TECPR2: variants seen among roughly 807,000 people sequenced by gnomAD.
TECPR2 encodes the protein tectonin beta-propeller repeat containing 2.
In TECPR2, 65 loss-of-function variants were observed where a neutral mutation model predicts 138.1. The observed-to-expected ratio is 0.47, with a 90% CI of 0.39 to 0.58. The LOEUF (loss-of-function observed/expected upper bound fraction) is 0.58. Among genes scored for constraint, TECPR2 ranks in the 20% least tolerant of loss-of-function variants. The pLI is 0.00. For missense variants in TECPR2, 1,553 were observed against 1,824.5 expected (o/e 0.85, Z 2.71); for synonymous variants, 746 against 749.8 (o/e 0.99, Z 0.08).
At chr14:102,471,539 A>G (rs1890651498) in intron 17 of TECPR2, among the ~76,000 whole-genome samples, 1 of 151,224 alleles carries the variant, frequency 6.6e-6, no homozygotes, top group Non-Finnish European at 1.5e-5. Flanking sequence ...CATCATCTCT[A>G]CCAAAAAAAA....
rs761752061 is a variant in TECPR2 at position 102,414,776 on chromosome 14, A to T, written c.621A>T (p.Gly207=). 6.2e-7 allele frequency: 1 copy of T among 1,614,202 alleles called. No individual in the cohort carries two copies. Among genetic ancestry groups the T allele is most frequent in the South Asian group, 1.1e-5 (1 of 91,082 alleles). Residue 207 remains glycine, a synonymous_variant, in exon 5 of 20, where the codon GGA becomes GGT. Transcript: ENST00000359520. Reference sequence around the variant, plus strand: ...AAGAAAAGTCTGTAAGGCAAATTGGAACACAACCAAGGAAAAGGTAAGTTT... The same window carrying T: ...AAGAAAAGTCTGTAAGGCAAATTGGTACACAACCAAGGAAAAGGTAAGTTT... ...YTEEKSVRQI[G]TQPRKSTGKF...
In TECPR2 at chr14:102,425,281, C is replaced by A; in HGVS notation, c.941C>A (p.Thr314Lys). Residue 314 changes from threonine (T) to lysine (K), a missense_variant, in exon 6 of 20, where the codon ACA (threonine) becomes AAA (lysine). Thr to Lys is a moderately conservative substitution (Grantham distance 78, BLOSUM62 -1). Coordinates refer to ENST00000359520, the MANE Select transcript of TECPR2 (RefSeq NM_014844.5). ...WNEYSIYLLD[T>K]VNQATVAGLE... is the part of the protein sequence containing the mutation. ...GAATATAGTATCTATCTCCTAGACA[C>A]AGTCAACCAGGTAAGTGAAGGGACG... 1 of 1,584,908 alleles carries A rather than the reference C, an allele frequency of 6.3e-7. No homozygotes were observed. The highest frequency in any genetic ancestry group is 8.6e-7 in the Non-Finnish European group (1 of 1,163,276).
At chr14:102,400,894 C>T (rs917648931) in intron 2 of TECPR2, among the ~76,000 whole-genome samples, 2 of 151,826 alleles carry the variant, frequency 1.3e-5, no homozygotes, top group African/African-American at 4.8e-5. Context: ...ATTAGCCAGG[C>T]ATGGTGGCGG....
intron 17 of TECPR2, among the ~76,000 whole-genome samples, chr14:102,466,254 C>A (rs150091266): frequency 6.6e-6 from 1 of 152,276 alleles, no homozygotes; most frequent in East Asian, 1.9e-4. Context: ...GAGGCCACCA[C>A]TAGCGGTCAT....
intron 12 of TECPR2, among the ~76,000 whole-genome samples, chr14:102,444,285 C>T (rs1003450947): frequency 1.3e-4 from 19 of 151,662 alleles, no homozygotes; most frequent in African/African-American, 2.9e-4. Flanking sequence ...CCTTGACCTC[C>T]GGGCTCAGGT....
Position 102,452,623 on chromosome 14 carries a change from G to C in TECPR2, c.3636G>C (p.Gln1212His). 6.3e-7 allele frequency: 1 copy of C among 1,587,174 alleles called. No homozygotes were observed. The highest frequency in any genetic ancestry group is 8.6e-7 in the Non-Finnish European group (1 of 1,167,328). ...ACTGGACCAGGCTGGACCTCTCCCA[G>C]CTAGGTACGGCCACCTCGTGAGTAC... ...GMHWTRLDLS[Q>H]LGAVKLTSLA... Residue 1212 changes from glutamine to histidine, a missense_variant, in exon 16 of 20, where the codon CAG becomes CAC. Transcript: ENST00000359520.
Position 102,420,076 on chromosome 14 carries a change from C to T in TECPR2, c.639-4903C>T, listed in dbSNP as rs879597211. Among the ~76,000 whole-genome samples the T allele has an allele frequency of 6.6e-6, 1 of 152,174 alleles. No homozygotes were observed. Among genetic ancestry groups the T allele is most frequent in the Non-Finnish European group, 1.5e-5 (1 of 68,036 alleles). On this transcript the variant is annotated intron_variant, in intron 5 of 19. Transcript: ENST00000359520. This position sits in a 1 kb window ranked among gnomAD's most constrained non-coding sequence, Gnocchi z 4.1. ...AGGCTCCCATTTTGGGTGCTGTCAG[C>T]TTTCAGCGTATCAGCTCTGTGGCAC...
At position 102,498,723 on chromosome 14, in the gene TECPR2, T is replaced by G. The variant is rs542633409; in HGVS notation, c.*466T>G. 5 of 439,044 alleles carry G rather than the reference T, an allele frequency of 1.1e-5. No homozygotes were observed. In the East Asian group the frequency reaches 2.7e-4, roughly 24 times the overall value. 27.2% of individuals were successfully genotyped at this position (439,044 alleles called of 1,614,324 possible). A position where few individuals can be genotyped will look rare whatever the true frequency, so the allele number is the denominator to read the frequency against. On this transcript the variant is annotated 3_prime_UTR_variant, in exon 20 of 20. Transcript: ENST00000359520. ...CGGGATGTGCTCGGTGATGGCTTTG[T>G]CCCATCATAGGGGGGTGTCCCCCCA...
chr14:102,424,273 T>C (rs189106892), intron 5 of TECPR2, among the ~76,000 whole-genome samples: 1 of 152,282 alleles, frequency 6.6e-6, no homozygotes, highest in East Asian at 1.9e-4. Context: ...CATAAAAATA[T>C]GGTATTATAA....
At chr14:102,431,691 C>G (rs1447156076) in intron 7 of TECPR2, 105 bp from the exon 8 acceptor site, 2 of 1,145,596 alleles carry the variant, frequency 1.7e-6, no homozygotes, top group Non-Finnish European at 2.5e-6. Context: ...CTTTAGCTGG[C>G]TGGTGCCTCT....
At chr14:102,386,490 A>T (rs1411043990) in intron 2 of TECPR2, among the ~76,000 whole-genome samples, 3 of 149,478 alleles carry the variant, frequency 2.0e-5, no homozygotes, top group Non-Finnish European at 4.5e-5. Context: ...TAAAGTGAAA[A>T]TTTTTTTTTT....
chr14:102,483,752 T>C (rs1272889255), intron 17 of TECPR2, among the ~76,000 whole-genome samples: 1 of 150,950 alleles, frequency 6.6e-6, no homozygotes, highest in Admixed American at 6.6e-5. Context: ...ACCCCTCCTG[T>C]TTTCTGTCTG....
intron 17 of TECPR2, among the ~76,000 whole-genome samples, chr14:102,493,332 C>T (rs180682450): frequency 4.6e-5 from 7 of 151,990 alleles, no homozygotes; most frequent in Non-Finnish European, 7.4e-5. Flanking sequence ...CGCGGCCTTC[C>T]GAGTGGGGAA....
At chr14:102,454,458 T>A (rs1019544083) in intron 16 of TECPR2, among the ~76,000 whole-genome samples, 1 of 152,158 alleles carries the variant, frequency 6.6e-6, no homozygotes, top group Non-Finnish European at 1.5e-5. Flanking sequence ...CAACTTTTGT[T>A]CTTTATGCTT....
chr14:102,412,493 G>A (rs988140280), intron 4 of TECPR2, among the ~76,000 whole-genome samples: 18 of 152,026 alleles, frequency 1.2e-4, no homozygotes, highest in African/African-American at 4.4e-4. Flanking sequence ...CATTGTAATC[G>A]GGAAAGTCTA....
At chr14:102,425,564 T>TTTGTTGTTG (rs35980535) in intron 6 of TECPR2, among the ~76,000 whole-genome samples, 175 of 151,802 alleles carry the variant, frequency 1.2e-3, no homozygotes, top group African/African-American at 4.0e-3. Context: ...ACTTGTTCTT[T>TTTGTTGTTG]TTGTTGTTGT....
At chr14:102,460,918 A>G (rs1414663877) in intron 16 of TECPR2, among the ~76,000 whole-genome samples, 3 of 151,624 alleles carry the variant, frequency 2.0e-5, no homozygotes, top group Non-Finnish European at 4.4e-5. Context: ...GATGGTCTCG[A>G]TCTCCTGATC....
chr14:102,445,966 G>C lies in TECPR2; in HGVS notation c.3075+19G>C, dbSNP rs751111335. ...GTGGCAAGTAGGTGTTCAGCTCTGC[G>C]CCACGTGCCGAGGTCTCCCGACCTT... On this transcript the variant is annotated intron_variant, in intron 13 of 19. Transcript: ENST00000359520. 4 of 1,604,826 alleles carry C rather than the reference G, an allele frequency of 2.5e-6. No homozygotes were observed. The South Asian group carries it at 4.4e-5, about 18-fold the overall frequency.
At position 102,362,962 on chromosome 14, in the gene TECPR2, G is replaced by T. The variant is rs1040792409; in HGVS notation, c.-227G>T. The T allele has an allele frequency of 5.6e-6, 8 of 1,422,396 alleles. No homozygotes were observed. The highest frequency in any genetic ancestry group is 2.4e-5 in the South Asian group (2 of 82,248). 88.1% of individuals were successfully genotyped at this position (1,422,396 alleles called of 1,614,324 possible). Reference sequence around the variant, plus strand: ...TGCCACTTGTGGCTCTGCCGCTCTAGCCCCCGGCGGAGCCAGCTGCTGCTC... The same window carrying T: ...TGCCACTTGTGGCTCTGCCGCTCTATCCCCCGGCGGAGCCAGCTGCTGCTC... On this transcript the variant is annotated 5_prime_UTR_variant, in exon 1 of 20. Transcript: ENST00000359520.
Sources: gnomAD v4.1 joint callset for allele counts (sites outside exome capture counted in the v4.1 genomes callset) on GRCh38, gnomAD v4.1.1 for gene constraint, Gnocchi (gnomAD v3.1) non-coding constraint, MANE v1.5 for transcripts, NCBI Gene and HGNC (gene_info 2026-07-23, HGNC 2026-07-21) for gene names.